MLLT10: variants seen among roughly 807,000 people sequenced by gnomAD.
MLLT10 encodes the protein protein AF-10.
Under a neutral mutation model 129.1 loss-of-function variants are expected in MLLT10, and 30 were observed. That is an observed-to-expected ratio of 0.23 (90% CI 0.17 to 0.32). MLLT10 has a LOEUF of 0.32. MLLT10 is among the 10% of genes least tolerant of loss of function. The probability of loss-of-function intolerance (pLI) is 1.00; values close to 1 mark genes in which losing one functional copy is unlikely to be tolerated. For missense variants in MLLT10, 1,119 were observed against 1,268.3 expected (o/e 0.88, Z 1.79); for synonymous variants, 490 against 446.4 (o/e 1.10, Z -1.23).
chr10:21,725,521 C>A (rs1340833922), intron 14 of MLLT10, among the ~76,000 whole-genome samples: 2 of 151,988 alleles, frequency 1.3e-5, no homozygotes, highest in African/African-American at 4.8e-5. Context: ...GAGTTTGAGA[C>A]TAACCTGGCC....
At chr10:21,651,246 A>T (rs1385207561) in intron 8 of MLLT10, among the ~76,000 whole-genome samples, 1 of 151,778 alleles carries the variant, frequency 6.6e-6, no homozygotes, top group African/African-American at 2.4e-5. Flanking sequence ...TAATTTTTGT[A>T]TTTTTAGTAG....
In MLLT10 at chr10:21,604,562, C is replaced by T. The variant is rs1564492392; in HGVS notation, c.406-7786C>T. Among the ~76,000 whole-genome samples, 3 of 152,110 alleles carry T rather than the reference C, an allele frequency of 2.0e-5. No homozygotes were observed. The South Asian group carries it at 6.2e-4, about 32-fold the overall frequency. On this transcript the variant is annotated intron_variant, in intron 5 of 22. Transcript: ENST00000307729. ...CGAGACTGTGCCATTGCACTCCAGC[C>T]TGGGTGGCAAGAGTGAGACTGTTTA... is the stretch of plus-strand genomic sequence containing the variant.
At chr10:21,728,518 G>GA (rs1179633610) in intron 16 of MLLT10, among the ~76,000 whole-genome samples, 1 of 152,186 alleles carries the variant, frequency 6.6e-6, no homozygotes, top group African/African-American at 2.4e-5. Context: ...AATGTGGTAT[G>GA]AGATACTGTG....
At chr10:21,701,935 C>T (rs2054965198) in intron 13 of MLLT10, among the ~76,000 whole-genome samples, 1 of 149,568 alleles carries the variant, frequency 6.7e-6, no homozygotes. Context: ...CGTCTCGTCT[C>T]TCTTTTTTTT....
chr10:21,689,661 A>ATATTTT (rs1382534644), intron 13 of MLLT10, among the ~76,000 whole-genome samples: 1 of 132,364 alleles, frequency 7.6e-6, no homozygotes, highest in African/African-American at 2.9e-5. Context: ...ATATATATAT[A>ATATTTT]TTTTTTTTTT....
At chr10:21,654,917 A>G (rs1022329073) in intron 9 of MLLT10, among the ~76,000 whole-genome samples, 2 of 152,162 alleles carry the variant, frequency 1.3e-5, no homozygotes, top group Non-Finnish European at 2.9e-5. Context: ...TCATGCCTGT[A>G]GTTTCAGTAC....
At chr10:21,597,361 CTTTTTATTTA>C (rs1490807551) in intron 5 of MLLT10, among the ~76,000 whole-genome samples, 7 of 152,062 alleles carry the variant, frequency 4.6e-5, no homozygotes, top group African/African-American at 1.4e-4. Context: ...ACTCTTTGGT[CTTTTTATTTA>C]TTTTTATTTT....
At chr10:21,566,755 GT>G (rs1400712548) in intron 3 of MLLT10, among the ~76,000 whole-genome samples, 2 of 151,092 alleles carry the variant, frequency 1.3e-5, no homozygotes, top group Non-Finnish European at 3.0e-5. Context: ...TCTTTATTGT[GT>G]TTTGTATCTT....
chr10:21,652,115 T>C (rs1173008377), intron 9 of MLLT10, among the ~76,000 whole-genome samples: 1 of 152,024 alleles, frequency 6.6e-6, no homozygotes, highest in Non-Finnish European at 1.5e-5. Flanking sequence ...GGTTTCACTG[T>C]GTTAGCCAGG....
intron 13 of MLLT10, among the ~76,000 whole-genome samples, chr10:21,693,299 A>C (rs1014038492): frequency 6.6e-6 from 1 of 152,166 alleles, no homozygotes; most frequent in Non-Finnish European, 1.5e-5. Flanking sequence ...ATGCATGTTT[A>C]ATATGTATAC....
chr10:21,615,024 T>G, intron 7 of MLLT10, 100 bp downstream of exon 7: 1 of 910,360 alleles, frequency 1.1e-6, no homozygotes, highest in Admixed American at 3.1e-5. Context: ...TCCTTTTTCC[T>G]TGAGTTTTTG....
chr10:21,634,037 C>T (rs962862290), intron 8 of MLLT10, among the ~76,000 whole-genome samples: 1 of 151,698 alleles, frequency 6.6e-6, no homozygotes, highest in African/African-American at 2.4e-5. Flanking sequence ...GTCAGGAGTT[C>T]GAGACCAGCC....
At chr10:21,740,520 G>A (rs1214307243) in intron 22 of MLLT10, among the ~76,000 whole-genome samples, 1 of 152,192 alleles carries the variant, frequency 6.6e-6, no homozygotes, top group Non-Finnish European at 1.5e-5. Context: ...AAAGACAATA[G>A]TTGGTGCTTT....
At chr10:21,685,984 A>G (rs1478859588) in intron 13 of MLLT10, among the ~76,000 whole-genome samples, 1 of 152,198 alleles carries the variant, frequency 6.6e-6, no homozygotes, top group Non-Finnish European at 1.5e-5. Context: ...GAGCAAAACC[A>G]TCCCTGAGAC....
At chr10:21,700,846 A>G (rs1352322529) in intron 13 of MLLT10, among the ~76,000 whole-genome samples, 1 of 152,150 alleles carries the variant, frequency 6.6e-6, no homozygotes, top group Non-Finnish European at 1.5e-5. Context: ...GGCCTTGTAG[A>G]ATGAGTTAAG....
At chr10:21,560,444 T>TA in intron 3 of MLLT10, among the ~76,000 whole-genome samples, 1 of 152,318 alleles carries the variant, frequency 6.6e-6, no homozygotes, top group Middle Eastern at 3.4e-3. Context: ...CTGTTGTTCT[T>TA]ACTGTTTTTG....
intron 21 of MLLT10, chr10:21,738,411 T>C (rs2058559707): frequency 7.8e-7 from 1 of 1,288,898 alleles, no homozygotes. Context: ...ATAGCATGTG[T>C]AGCTGTCTCA....
intron 13 of MLLT10, among the ~76,000 whole-genome samples, chr10:21,688,908 G>T (rs143981922): frequency 2.6e-5 from 4 of 152,182 alleles, no homozygotes; most frequent in Non-Finnish European, 5.9e-5. Context: ...TTATAATCAT[G>T]ATAACTCTCT....
At chr10:21,573,243 A>C (rs2040395240) in intron 3 of MLLT10, among the ~76,000 whole-genome samples, 1 of 152,182 alleles carries the variant, frequency 6.6e-6, no homozygotes, top group Non-Finnish European at 1.5e-5. Flanking sequence ...TTACACCATC[A>C]ATTATAAGTC....
Sources: gnomAD v4.1 joint callset for allele counts (sites outside exome capture counted in the v4.1 genomes callset) on GRCh38, gnomAD v4.1.1 for gene constraint, MANE v1.5 for transcripts, NCBI Gene and HGNC (gene_info 2026-07-23, HGNC 2026-07-21) for gene names.